The following DNAH14 variants were observed in gnomAD, a reference collection of about 807,000 sequenced individuals.
DNAH14 encodes the protein dynein axonemal heavy chain 14.
In DNAH14, 478 loss-of-function variants were observed where a neutral mutation model predicts 520.9. The observed-to-expected ratio is 0.92, with a 90% CI of 0.85 to 0.99. The LOEUF (loss-of-function observed/expected upper bound fraction) is 0.99. Among genes scored for constraint, DNAH14 ranks in the 50% least tolerant of loss-of-function variants. The pLI is 0.00. For missense variants in DNAH14, 4,831 were observed against 5,234.5 expected, an observed-to-expected ratio of 0.92 and a Z score of 2.38; for synonymous variants, 1,581 against 1,757.2, an observed-to-expected ratio of 0.90 and a Z score of 2.51.
chr1:225,141,471 G>C (rs2079457921), intron 28 of DNAH14, among the ~76,000 whole-genome samples: 1 of 145,006 alleles, frequency 6.9e-6, no homozygotes, highest in African/African-American at 2.6e-5. Flanking sequence ...CGTATCCTCT[G>C]TTTGGGCGGG....
At chr1:225,129,889 A>G (rs572508763) in intron 27 of DNAH14, among the ~76,000 whole-genome samples, 2 of 152,354 alleles carry the variant, frequency 1.3e-5, no homozygotes, top group Admixed American at 1.3e-4. Flanking sequence ...GCAATCCACA[A>G]AATGGGAGAA....
At chr1:225,375,749 G>GT in intron 78 of DNAH14, among the ~76,000 whole-genome samples, 1 of 130,696 alleles carries the variant, frequency 7.7e-6, no homozygotes, top group African/African-American at 3.6e-5. Context: ...AGCTATGAGG[G>GT]CTTTTTTTTT....
rs935498533 is a variant in DNAH14 at position 225,117,733 on chromosome 1, G to A, written c.3917G>A (p.Ser1306Asn). 2.4e-5 allele frequency: 37 copies of A among 1,550,286 alleles called. No individual in the cohort carries two copies. The African/African-American group carries it at 4.1e-4, about 17-fold the overall frequency. ...ATTTTCCCAAGATTTTACTTTCTTA[G>A]CAATGCCGAGCTTCTTGATATTCTA... ...RLIFPRFYFL[S>N]NAELLDILAD... Residue 1306 changes from serine (S) to asparagine (N), a missense_variant, in exon 24 of 86, where the codon AGC becomes AAC. Coordinates refer to ENST00000682510, the MANE Select transcript of DNAH14 (RefSeq NM_001367479.1).
At position 225,052,374 on chromosome 1, in the gene DNAH14, A is replaced by G. The variant is rs185602488; in HGVS notation, c.2424+579A>G. On this transcript the variant is annotated intron_variant, in intron 17 of 85. Coordinates refer to ENST00000682510, the MANE Select transcript of DNAH14 (RefSeq NM_001367479.1). Reference sequence around the variant, plus strand: ...CATTAGTTATTTCTACCTATCATCTATATAAGTTTCTAGGACAGCTTAGAT... The same window carrying G: ...CATTAGTTATTTCTACCTATCATCTGTATAAGTTTCTAGGACAGCTTAGAT... Among the ~76,000 whole-genome samples, 410 of 152,326 alleles carry G rather than the reference A, an allele frequency of 2.7e-3. 2 individuals are homozygous for G. Among genetic ancestry groups the G allele is most frequent in the Non-Finnish European group, 4.0e-3 (271 of 68,026 alleles).
At chr1:225,069,463 C>T (rs2071289772) in intron 17 of DNAH14, among the ~76,000 whole-genome samples, 1 of 151,926 alleles carries the variant, frequency 6.6e-6, no homozygotes, top group East Asian at 1.9e-4. Context: ...TTAGATAATC[C>T]TGTGGTTTTT....
intron 10 of DNAH14, among the ~76,000 whole-genome samples, chr1:225,019,990 A>T (rs919579882): frequency 3.9e-5 from 6 of 152,114 alleles, no homozygotes; most frequent in Non-Finnish European, 5.9e-5. Flanking sequence ...CCAGCAGAAA[A>T]AAAGAAATTA....
At chr1:225,161,888 T>C (rs1433487206) in intron 35 of DNAH14, among the ~76,000 whole-genome samples, 1 of 152,216 alleles carries the variant, frequency 6.6e-6, no homozygotes, top group Non-Finnish European at 1.5e-5. Context: ...TTGAGCTCCT[T>C]ATATATTCTG....
intron 8 of DNAH14, among the ~76,000 whole-genome samples, chr1:224,974,684 T>A (rs1487840890): frequency 6.6e-6 from 1 of 152,110 alleles, no homozygotes; most frequent in African/African-American, 2.4e-5. Context: ...ATCACCACAG[T>A]TTCCCTTGTG....
chr1:225,144,896 T>C (rs922972100), intron 29 of DNAH14, among the ~76,000 whole-genome samples: 170 of 103,430 alleles, frequency 1.6e-3, no homozygotes, highest in African/African-American at 0.016. Context: ...AATATCATTG[T>C]GTGTGTGTGT....
Position 225,294,879 on chromosome 1 carries a change from T to G in DNAH14, c.8469+4797T>G, listed in dbSNP as rs148008340. 7.8e-3 allele frequency among the ~76,000 whole-genome samples: 1,180 copies of G among 152,132 alleles called. 10 individuals carry two copies. The highest frequency in any genetic ancestry group is 0.011 in the Non-Finnish European group (758 of 67,978). Reference sequence around the variant, plus strand: ...AGTGAGGCCATCCAGTAGTGGATTTTTTGTTGTTGTTGTTGTTTGTTTGTT... The same window carrying G: ...AGTGAGGCCATCCAGTAGTGGATTTGTTGTTGTTGTTGTTGTTTGTTTGTT... On this transcript the variant is annotated intron_variant, in intron 55 of 85. Coordinates refer to ENST00000682510, the MANE Select transcript of DNAH14 (RefSeq NM_001367479.1).
At chr1:225,253,996 A>G (rs1475808882) in intron 44 of DNAH14, among the ~76,000 whole-genome samples, 1 of 152,150 alleles carries the variant, frequency 6.6e-6, no homozygotes, top group Non-Finnish European at 1.5e-5. Context: ...ACAGCGGGAT[A>G]TGACTAGAGG....
chr1:225,322,965 G>T, intron 62 of DNAH14, 142 bp downstream of exon 62: 2 of 930,118 alleles, frequency 2.2e-6, no homozygotes. Context: ...GGCAAGAGAG[G>T]AGTTGCCTAG....
At chr1:225,277,826 G>A (rs569776856) in intron 54 of DNAH14, among the ~76,000 whole-genome samples, 4 of 152,182 alleles carry the variant, frequency 2.6e-5, no homozygotes, top group Non-Finnish European at 5.9e-5. Context: ...AGAAATGTGA[G>A]CTTTTGCACA....
intron 23 of DNAH14, among the ~76,000 whole-genome samples, chr1:225,104,275 G>A (rs978182945): frequency 6.6e-5 from 10 of 152,314 alleles, no homozygotes; most frequent in African/African-American, 2.4e-4. Flanking sequence ...TGTGCTGCTG[G>A]ATTCGGTTTA....
intron 71 of DNAH14, among the ~76,000 whole-genome samples, chr1:225,347,168 C>T (rs752442628): frequency 6.6e-6 from 1 of 152,114 alleles, no homozygotes; most frequent in Non-Finnish European, 1.5e-5. Flanking sequence ...AATACAGTCA[C>T]GTTGTTATGC....
chr1:224,940,480 ATTTTC>A (rs1233656432), intron 1 of DNAH14, among the ~76,000 whole-genome samples: 2 of 151,688 alleles, frequency 1.3e-5, no homozygotes. Context: ...TTGTCTTTTT[ATTTTC>A]TTTAGAGTGA....
At chr1:225,314,665 G>T (rs1448571816) in intron 60 of DNAH14, among the ~76,000 whole-genome samples, 2 of 152,144 alleles carry the variant, frequency 1.3e-5, no homozygotes, top group Non-Finnish European at 2.9e-5. Context: ...TTGCTTGTCT[G>T]TAAAGGATTT....
chr1:225,120,919 AT>A (rs887621525), intron 26 of DNAH14, among the ~76,000 whole-genome samples: 1 of 152,138 alleles, frequency 6.6e-6, no homozygotes, highest in Non-Finnish European at 1.5e-5. Context: ...TTAAAATGCC[AT>A]TTTTTCATGT....
At chr1:225,095,533 A>G (rs959719785) in intron 21 of DNAH14, among the ~76,000 whole-genome samples, 3 of 152,148 alleles carry the variant, frequency 2.0e-5, no homozygotes, top group Non-Finnish European at 4.4e-5. Flanking sequence ...AGGATAAAAA[A>G]GCTACCTATT....
Sources: allele counts gnomAD v4.1 joint callset (sites outside exome capture counted in the v4.1 genomes callset), GRCh38; gene constraint gnomAD v4.1.1; transcripts MANE v1.5; gene names NCBI Gene and HGNC (gene_info 2026-07-23, HGNC 2026-07-21).